KPNA4: variants seen among roughly 807,000 people sequenced by gnomAD.
The protein encoded by KPNA4 is karyopherin subunit alpha 4, also known as importin subunit alpha-3.
A neutral mutation model predicts 71.3 loss-of-function variants in KPNA4; 13 were observed. That is an observed-to-expected ratio of 0.18 (90% confidence interval 0.12 to 0.29). The LOEUF (loss-of-function observed/expected upper bound fraction) is 0.29. KPNA4 is among the 10% of genes least tolerant of loss of function. KPNA4 has a pLI of 1.00. For synonymous variants in KPNA4, 189 were observed against 195.2 expected, an observed-to-expected ratio of 0.97 and a Z score of 0.26; for missense variants, 334 against 603.2, an observed-to-expected ratio of 0.55 and a Z score of 4.67.
At chr3:160,514,681 A>G (rs1329161962) in intron 12 of KPNA4, among the ~76,000 whole-genome samples, 2 of 152,220 alleles carry the variant, frequency 1.3e-5, no homozygotes, top group African/African-American at 4.8e-5. Context: ...TTGTTTTAGT[A>G]TACTTATTTG....
At chr3:160,540,690 T>C (rs1721781174) in intron 1 of KPNA4, among the ~76,000 whole-genome samples, 1 of 152,220 alleles carries the variant, frequency 6.6e-6, no homozygotes, top group Non-Finnish European at 1.5e-5. Context: ...AATATATTAG[T>C]TGTGAATTCA....
intron 1 of KPNA4, among the ~76,000 whole-genome samples, chr3:160,537,180 C>CA (rs951636714): frequency 8.2e-4 from 122 of 148,608 alleles, no homozygotes; most frequent in African/African-American, 3.0e-3. Flanking sequence ...GATGATATTA[C>CA]AAAAAATAAC....
chr3:160,517,604 T>C (rs1051217160), intron 11 of KPNA4, among the ~76,000 whole-genome samples: 2 of 152,046 alleles, frequency 1.3e-5, no homozygotes, highest in Non-Finnish European at 2.9e-5. Context: ...AATTCCAGTT[T>C]CTCACACCCT....
In KPNA4 at chr3:160,514,185, T is replaced by C. The variant is rs1402963292; in HGVS notation, c.1033-4A>G. 1 of 1,581,344 alleles carries C rather than the reference T, an allele frequency of 6.3e-7. No homozygotes were observed. The highest frequency in any genetic ancestry group is 2.3e-5 in the East Asian group (1 of 43,850). On this transcript the variant is annotated splice_region_variant and splice_polypyrimidine_tract_variant and intron_variant, in intron 12 of 16. Transcript: ENST00000334256. Reference sequence around the variant, plus strand: ...TGGAGAGGAACCACACTGCTTCCTGTAGAACAAGAGCATTTGAATATTTCT... The same window carrying C: ...TGGAGAGGAACCACACTGCTTCCTGCAGAACAAGAGCATTTGAATATTTCT...
Position 160,544,553 on chromosome 3 carries a change from G to T in KPNA4, c.70-7713C>A, listed in dbSNP as rs544918577. ...CATGCCAGCATGGGTGACAGAGAGAGACTTTGTCTCAAAAAACAAAAAACT... is the reference window on the plus strand; with the variant it reads ...CATGCCAGCATGGGTGACAGAGAGATACTTTGTCTCAAAAAACAAAAAACT... On this transcript the variant is annotated intron_variant, in intron 1 of 16. Transcript: ENST00000334256. Among the ~76,000 whole-genome samples, 6 of 152,316 alleles carry T rather than the reference G, an allele frequency of 3.9e-5. No homozygotes were observed. In the South Asian group the frequency reaches 1.0e-3, roughly 26 times the overall value.
At chr3:160,522,023 T>A in intron 10 of KPNA4, 113 bp from the exon 11 acceptor site, 1 of 854,156 alleles carries the variant, frequency 1.2e-6, no homozygotes, top group Non-Finnish European at 1.8e-6. Flanking sequence ...TCTTTTCTTC[T>A]CTCAGTTTAA....
intron 10 of KPNA4, among the ~76,000 whole-genome samples, chr3:160,524,231 A>G (rs1043497084): frequency 3.3e-5 from 5 of 152,264 alleles, no homozygotes; most frequent in African/African-American, 1.2e-4. Context: ...TGGAGTAAAT[A>G]GGTGGAAAGA....
chr3:160,509,683 TG>T, intron 14 of KPNA4, 116 bp downstream of exon 14: 2 of 761,916 alleles, frequency 2.6e-6, no homozygotes, highest in South Asian at 3.1e-5. Context: ...CCTCCAGCCT[TG>T]GCCTCCCAGG....
intron 1 of KPNA4, among the ~76,000 whole-genome samples, chr3:160,541,670 C>G (rs1208480622): frequency 6.6e-6 from 1 of 151,642 alleles, no homozygotes; most frequent in Non-Finnish European, 1.5e-5. Flanking sequence ...CACACACACA[C>G]ACACACACAC....
chr3:160,506,845 G>A (rs1720993168), intron 15 of KPNA4, among the ~76,000 whole-genome samples: 1 of 151,780 alleles, frequency 6.6e-6, no homozygotes, highest in African/African-American at 2.4e-5. Flanking sequence ...TTTTATTGTT[G>A]TTGCTCTATG....
At chr3:160,562,766 C>T (rs1722271606) in intron 1 of KPNA4, among the ~76,000 whole-genome samples, 1 of 152,132 alleles carries the variant, frequency 6.6e-6, no homozygotes, top group African/African-American at 2.4e-5. Context: ...CAGAGGACAA[C>T]CATAAGGCAC....
intron 1 of KPNA4, among the ~76,000 whole-genome samples, chr3:160,551,054 G>A (rs550492464): frequency 3.1e-5 from 4 of 130,780 alleles, no homozygotes; most frequent in African/African-American, 5.6e-5. Context: ...GAAAGAGTCT[G>A]AGCAGGACTG....
At chr3:160,508,650 A>C (rs1721033357) in intron 14 of KPNA4, among the ~76,000 whole-genome samples, 1 of 152,020 alleles carries the variant, frequency 6.6e-6, no homozygotes, top group Non-Finnish European at 1.5e-5. Flanking sequence ...TTAAATATAG[A>C]GAGATGGGGT....
At chr3:160,526,307 C>T (rs1381536796) in intron 8 of KPNA4, among the ~76,000 whole-genome samples, 200 bp from the exon 9 acceptor site, 1 of 152,210 alleles carries the variant, frequency 6.6e-6, no homozygotes, top group South Asian at 2.1e-4. Context: ...TTCTTTTGCA[C>T]ATTATTCCCA....
intron 1 of KPNA4, among the ~76,000 whole-genome samples, chr3:160,543,434 G>C (rs1721847327): frequency 6.6e-6 from 1 of 151,758 alleles, no homozygotes; most frequent in Non-Finnish European, 1.5e-5. Context: ...TCAGCCTGCT[G>C]GGTTCAAGTG....
chr3:160,540,185 G>C, intron 1 of KPNA4, among the ~76,000 whole-genome samples: 1 of 151,766 alleles, frequency 6.6e-6, no homozygotes, highest in Non-Finnish European at 1.5e-5. Context: ...GTTTTTAGTA[G>C]AGATGGGGTT....
In KPNA4 at chr3:160,547,101, C is replaced by T. The variant is rs1721926801; in HGVS notation, c.70-10261G>A. On this transcript the variant is annotated intron_variant, in intron 1 of 16. Transcript: ENST00000334256. Reference sequence around the variant, plus strand: ...ATGTGCAATCCCAAATTAACCAATTCTATAAGATGAATTTAAAAAGTCCAA... The same window carrying T: ...ATGTGCAATCCCAAATTAACCAATTTTATAAGATGAATTTAAAAAGTCCAA... 2.6e-5 allele frequency among the ~76,000 whole-genome samples: 4 copies of T among 152,148 alleles called. No individual in the cohort carries two copies. The South Asian group carries it at 8.3e-4, about 31-fold the overall frequency.
In KPNA4 at chr3:160,527,990, G is replaced by A. The variant is rs377710389; in HGVS notation, c.519C>T (p.Val173=). 8 of 1,612,600 alleles carry A rather than the reference G, an allele frequency of 5.0e-6. No individual in the cohort carries two copies. In the African/African-American group the frequency reaches 1.1e-4, roughly 22 times the overall value. The change falls in exon 8 of 17, where the codon GTC becomes GTT. Residue 173 remains valine, a synonymous_variant. Transcript: ENST00000334256. ...CCAATGCCCACACTGCTTGCTCACA[G>A]ACATTCTGATGGGGTGAATGGAGAA... ...LRLLHSPHQN[V]CEQAVWALGN...
In KPNA4 at chr3:160,525,791, T is replaced by A; in HGVS notation, c.771+9A>T. The A allele has an allele frequency of 6.5e-7, 1 of 1,531,224 alleles. No homozygotes were observed. The highest frequency in any genetic ancestry group is 8.8e-7 in the Non-Finnish European group (1 of 1,132,160). 94.9% of individuals were successfully genotyped at this position (1,531,224 alleles called of 1,614,324 possible). Reference sequence around the variant, plus strand: ...ATACATAAATATATAATAGGACACATTTACTCACATTTACATCTGTGTGAT... The same window carrying A: ...ATACATAAATATATAATAGGACACAATTACTCACATTTACATCTGTGTGAT... On this transcript the variant is annotated intron_variant, in intron 10 of 16. Coordinates refer to ENST00000334256, the MANE Select transcript of KPNA4 (RefSeq NM_002268.5).
Sources: allele counts gnomAD v4.1 joint callset (sites outside exome capture counted in the v4.1 genomes callset), GRCh38; gene constraint gnomAD v4.1.1; transcripts MANE v1.5; gene names NCBI Gene and HGNC (gene_info 2026-07-23, HGNC 2026-07-21).